The following HM13 variants were observed in gnomAD, a reference collection of about 807,000 sequenced individuals.
HM13 encodes signal peptide peptidase.
In HM13, 18 loss-of-function variants were observed where a neutral mutation model predicts 50.0. The observed-to-expected ratio is 0.36, with a 90% CI of 0.25 to 0.53. The LOEUF is 0.53. HM13 is among the 20% of genes least tolerant of loss of function. The pLI is 0.90. For missense variants in HM13, 393 were observed against 552.4 expected (o/e 0.71, Z 2.89); for synonymous variants, 197 against 232.6 (o/e 0.85, Z 1.39).
chr20:31,553,330 A>G (rs1765110123), intron 7 of HM13, among the ~76,000 whole-genome samples: 1 of 150,782 alleles, frequency 6.6e-6, no homozygotes. Context: ...GCCAGAGCTG[A>G]CCCCCTACCT....
chr20:31,562,667 C>T (rs1316028692), intron 10 of HM13: 2 of 152,212 alleles, frequency 1.3e-5, no homozygotes, highest in African/African-American at 4.8e-5. Context: ...GAATTAATCA[C>T]AAAAGCTGGG....
chr20:31,545,679 C>A (rs1983673210), intron 4 of HM13, among the ~76,000 whole-genome samples: 1 of 152,146 alleles, frequency 6.6e-6, no homozygotes, highest in South Asian at 2.1e-4. Context: ...GGTATGGATT[C>A]AAATGCTGTA....
intron 1 of HM13, among the ~76,000 whole-genome samples, chr20:31,523,538 C>T (rs1982307593): frequency 6.6e-6 from 1 of 152,214 alleles, no homozygotes; most frequent in Admixed American, 6.5e-5. Context: ...GCTGGGATTA[C>T]AGGCATGAGC....
chr20:31,568,433 T>G (rs1178440290), intron 12 of HM13, among the ~76,000 whole-genome samples: 1 of 152,194 alleles, frequency 6.6e-6, no homozygotes, highest in Non-Finnish European at 1.5e-5. Context: ...CCCTCACCAG[T>G]AATGCGGGGC....
chr20:31,565,481 C>CAAAA (rs549803053), intron 10 of HM13, among the ~76,000 whole-genome samples: 5 of 90,050 alleles, frequency 5.6e-5, no homozygotes, highest in African/African-American at 1.1e-4. Context: ...GACTCTGTCT[C>CAAAA]AAAAAAAAAA....
intron 9 of HM13, among the ~76,000 whole-genome samples, chr20:31,561,336 A>G (rs1419560780): frequency 6.6e-6 from 1 of 152,188 alleles, no homozygotes; most frequent in African/African-American, 2.4e-5. Flanking sequence ...TATGCTGACT[A>G]AAGTCTTACA....
chr20:31,563,739 A>G (rs772030736), intron 10 of HM13, among the ~76,000 whole-genome samples: 4 of 152,204 alleles, frequency 2.6e-5, no homozygotes, highest in Non-Finnish European at 4.4e-5. Context: ...GGCATGCGGG[A>G]AAGACTTCTT....
chr20:31,515,206 C>T (rs1055210656), intron 1 of HM13, among the ~76,000 whole-genome samples: 1 of 152,210 alleles, frequency 6.6e-6, no homozygotes, highest in Non-Finnish European at 1.5e-5. Flanking sequence ...GCCCTTTCTA[C>T]CATCCAGACC....
chr20:31,540,052 G>A (rs1026547694), intron 3 of HM13: 1 of 152,310 alleles, frequency 6.6e-6, no homozygotes, highest in Non-Finnish European at 1.5e-5. Flanking sequence ...CTAGAGCACA[G>A]TGCCAAGCAC....
intron 8 of HM13, among the ~76,000 whole-genome samples, chr20:31,558,024 C>T (rs1490278558): frequency 1.3e-5 from 2 of 152,148 alleles, no homozygotes; most frequent in Non-Finnish European, 2.9e-5. Context: ...TGCTTCTCAG[C>T]GCCTTCCTTC....
At position 31,569,152 on chromosome 20, in the gene HM13, C is replaced by T. The variant is rs1256541106; in HGVS notation, c.1214C>T (p.Ala405Val). The stretch of plus-strand genomic sequence containing the variant: ...GAGTCAAATCCTAAGGATCCAGCGG[C>T]AGTGACAGAATCCAAAGAGGGAACA... The part of the protein sequence containing the change: ...YEESNPKDPA[A>V]VTESKEGTEA... Residue 405 changes from alanine to valine, a missense_variant, in exon 13 of 13, where the codon GCA (alanine) becomes GTA (valine). By Grantham distance (64) the Ala-to-Val change is moderately conservative (BLOSUM62 0). Coordinates refer to ENST00000398174, the MANE Select transcript of HM13 (RefSeq NM_178581.3). 2.1e-5 allele frequency: 33 copies of T among 1,595,766 alleles called. No individual in the cohort carries two copies. Among genetic ancestry groups the T allele is most frequent in the Non-Finnish European group, 2.8e-5 (33 of 1,170,532 alleles).
chr20:31,550,161 C>T (rs758704900), intron 7 of HM13, 40 bp downstream of exon 7: 1 of 1,496,162 alleles, frequency 6.7e-7, no homozygotes, highest in Admixed American at 1.7e-5. Context: ...CTTCCCCCAC[C>T]CCTGCCGGGC....
intron 9 of HM13, among the ~76,000 whole-genome samples, chr20:31,560,048 GTCA>G (rs773956386): frequency 7.2e-5 from 11 of 152,188 alleles, no homozygotes; most frequent in Non-Finnish European, 8.8e-5. Flanking sequence ...CCTGGTTGCA[GTCA>G]TCATCATCAT....
chr20:31,524,605 C>CA (rs1035392506), intron 1 of HM13, among the ~76,000 whole-genome samples: 1 of 149,684 alleles, frequency 6.7e-6, no homozygotes, highest in South Asian at 2.1e-4. Flanking sequence ...TTCCGATAGA[C>CA]AAAAAACAGA....
chr20:31,521,299 C>G (rs911827016), intron 1 of HM13, among the ~76,000 whole-genome samples: 1 of 152,162 alleles, frequency 6.6e-6, no homozygotes. Flanking sequence ...GGAAACAGCT[C>G]CCAAGAGTTT....
At chr20:31,520,922 C>G (rs1982116696) in intron 1 of HM13, among the ~76,000 whole-genome samples, 1 of 152,184 alleles carries the variant, frequency 6.6e-6, no homozygotes, top group South Asian at 2.1e-4. Context: ...GAGCTTGAAC[C>G]GTGCCAATGG....
chr20:31,520,977 C>T (rs2122539824), intron 1 of HM13, among the ~76,000 whole-genome samples: 1 of 152,350 alleles, frequency 6.6e-6, no homozygotes, highest in East Asian at 1.9e-4. Context: ...TGTTTCCGCT[C>T]TGATAACAAC....
chr20:31,532,171 A>G (rs1266408330), intron 2 of HM13, among the ~76,000 whole-genome samples: 1 of 151,764 alleles, frequency 6.6e-6, no homozygotes, highest in Non-Finnish European at 1.5e-5. Context: ...TCAAGCCTGT[A>G]ATCCCAGCAC....
intron 2 of HM13, among the ~76,000 whole-genome samples, chr20:31,532,352 G>T (rs929570270): frequency 1.3e-5 from 2 of 152,182 alleles, no homozygotes; most frequent in Non-Finnish European, 2.9e-5. Flanking sequence ...TTGAACCAGG[G>T]AGTCGGAGGT....
Sources: gnomAD v4.1 joint callset for allele counts (sites outside exome capture counted in the v4.1 genomes callset) on GRCh38, gnomAD v4.1.1 for gene constraint, MANE v1.5 for transcripts, NCBI Gene and HGNC (gene_info 2026-07-23, HGNC 2026-07-21) for gene names.